FEZ2: variants seen among roughly 807,000 people sequenced by gnomAD.
FEZ2 encodes the protein fasciculation and elongation protein zeta-2.
Under a neutral mutation model 40.4 loss-of-function variants are expected in FEZ2, and 51 were observed. That is an observed-to-expected ratio of 1.26 (90% CI 1.01 to 1.59). The LOEUF (loss-of-function observed/expected upper bound fraction) is 1.59. Ranked by LOEUF, FEZ2 falls within the 40% of genes most tolerant of loss-of-function variation. The pLI, the probability that FEZ2 is intolerant of heterozygous loss-of-function variation, is 0.00. For synonymous variants in FEZ2, 242 were observed against 172.0 expected (o/e 1.41, Z -3.18); for missense variants, 640 against 438.3 (o/e 1.46, Z -4.11).
chr2:36,553,848 A>G (rs544644071), intron 7 of FEZ2, among the ~76,000 whole-genome samples: 2 of 152,324 alleles, frequency 1.3e-5, no homozygotes, highest in South Asian at 2.1e-4. Context: ...TCTCCCCTTG[A>G]GCAATATCCC....
At position 36,552,561 on chromosome 2, in the gene FEZ2, T is replaced by C; in HGVS notation, c.*602A>G. ...TGAATGGCAATTTAATGGTTAAAAT[T>C]TGACCAGTGGTGAAACAAGCAGCAA... On this transcript the variant is annotated 3_prime_UTR_variant, in exon 8 of 8. Coordinates refer to ENST00000405912, the MANE Select transcript of FEZ2 (RefSeq NM_005102.3). The C allele has an allele frequency of 4.1e-6, 1 of 245,478 alleles. No individual in the cohort carries two copies. 15.2% of individuals were successfully genotyped at this position (245,478 alleles called of 1,614,324 possible).
At chr2:36,563,670 T>G (rs960316801) in intron 5 of FEZ2, among the ~76,000 whole-genome samples, 1 of 152,182 alleles carries the variant, frequency 6.6e-6, no homozygotes, top group African/African-American at 2.4e-5. Flanking sequence ...TACTAGCTCC[T>G]TCCTGACAGC....
intron 3 of FEZ2, among the ~76,000 whole-genome samples, chr2:36,581,995 A>T (rs1252081041): frequency 6.6e-6 from 1 of 152,178 alleles, no homozygotes; most frequent in South Asian, 2.1e-4. Flanking sequence ...GATTTTTTAA[A>T]TTACTCAAAA....
intron 6 of FEZ2, chr2:36,556,398 GTT>G (rs1256881350): frequency 1.9e-5 from 3 of 155,126 alleles, no homozygotes; most frequent in African/African-American, 7.2e-5. Context: ...CTAGTATAAC[GTT>G]TTTCTTTTTT....
intron 5 of FEZ2, chr2:36,559,348 G>A (rs1668033152): frequency 6.6e-6 from 1 of 152,134 alleles, no homozygotes; most frequent in African/African-American, 2.4e-5. Flanking sequence ...TTTCACATAT[G>A]CTCATATAGA....
chr2:36,595,026 G>T (rs376372178), intron 1 of FEZ2, among the ~76,000 whole-genome samples: 1 of 152,140 alleles, frequency 6.6e-6, no homozygotes, highest in African/African-American at 2.4e-5. Flanking sequence ...ACAACCAGTC[G>T]TAAACAACGG....
intron 5 of FEZ2, among the ~76,000 whole-genome samples, chr2:36,574,736 C>G (rs550375037): frequency 1.3e-5 from 2 of 152,168 alleles, no homozygotes; most frequent in South Asian, 4.1e-4. Flanking sequence ...AAGTGTCACC[C>G]AAAACAGCAT....
At chr2:36,574,816 A>AC (rs1275990267) in intron 5 of FEZ2, among the ~76,000 whole-genome samples, 2 of 152,158 alleles carry the variant, frequency 1.3e-5, no homozygotes, top group South Asian at 2.1e-4. Flanking sequence ...CCACTCTCTA[A>AC]CCCCCCATCC....
Position 36,590,945 on chromosome 2 carries a change from A to G in FEZ2, c.333T>C (p.Thr111=), listed in dbSNP as rs1669054375. The change falls in exon 2 of 8, where the codon ACT becomes ACC. Residue 111 remains threonine, a synonymous_variant. Coordinates refer to ENST00000405912, the MANE Select transcript of FEZ2 (RefSeq NM_005102.3). The part of the protein sequence containing the change: ...VMPVDWKSSH[T]RTLHLLTLNL... ...TCAGAGTAAGCAAGTGCAAGGTCCT[A>G]GTATGCGATGACTTCCAGTCTACAG... The G allele has an allele frequency of 6.2e-7, 1 of 1,612,812 alleles. No individual in the cohort carries two copies. The highest frequency in any genetic ancestry group is 1.3e-5 in the African/African-American group (1 of 75,056).
At chr2:36,567,007 G>C (rs1429737712) in intron 5 of FEZ2, among the ~76,000 whole-genome samples, 8 of 152,120 alleles carry the variant, frequency 5.3e-5, no homozygotes, top group African/African-American at 1.9e-4. Context: ...CAGAATGGCA[G>C]AACTGCACAG....
chr2:36,580,203 G>C (rs1668691534), intron 4 of FEZ2, among the ~76,000 whole-genome samples: 1 of 152,142 alleles, frequency 6.6e-6, no homozygotes, highest in Non-Finnish European at 1.5e-5. Context: ...ATCTGTATCA[G>C]GTATCAGGAC....
chr2:36,579,367 T>C (rs1343701702), intron 4 of FEZ2, among the ~76,000 whole-genome samples: 1 of 152,210 alleles, frequency 6.6e-6, no homozygotes, highest in African/African-American at 2.4e-5. Context: ...TTGAAATTGG[T>C]GATATGGTTT....
intron 5 of FEZ2, among the ~76,000 whole-genome samples, chr2:36,573,189 G>C (rs143997484): frequency 0.02 from 2,998 of 152,220 alleles, 306 homozygotes; most frequent in Admixed American, 0.17. Flanking sequence ...ACAAGACTTA[G>C]CATAAACAAC....
chr2:36,587,175 A>G (rs1014734239), intron 2 of FEZ2, among the ~76,000 whole-genome samples: 1 of 152,214 alleles, frequency 6.6e-6, no homozygotes, highest in Admixed American at 6.5e-5. Context: ...GCCAAAACAC[A>G]TGAGTAATAA....
At position 36,598,018 on chromosome 2, in the gene FEZ2, C is replaced by A. The variant is rs1183418091; in HGVS notation, c.125G>T (p.Gly42Val). The change falls in exon 1 of 8, where the codon GGG (glycine) becomes GTG (valine). Residue 42 changes from glycine to valine, a missense_variant. By Grantham distance (109) the Gly-to-Val change is moderately radical. Coordinates refer to ENST00000405912, the MANE Select transcript of FEZ2 (RefSeq NM_005102.3). ...CGGGGCCGGGAAACCGTCGGCGCCCCCACCCGCCTCGGCCCCCGCCTCCGC... is the reference window on the plus strand; with the variant it reads ...CGGGGCCGGGAAACCGTCGGCGCCCACACCCGCCTCGGCCCCCGCCTCCGC... Reference protein sequence around the residue: ...PGAEAGAEAGGGADGFPAPAC... With the variant: ...PGAEAGAEAGVGADGFPAPAC... 6.7e-7 allele frequency: 1 copy of A among 1,497,316 alleles called. No homozygotes were observed. Among genetic ancestry groups the A allele is most frequent in the Non-Finnish European group, 8.9e-7 (1 of 1,128,504 alleles). 92.8% of individuals were successfully genotyped at this position (1,497,316 alleles called of 1,614,324 possible).
intron 3 of FEZ2, among the ~76,000 whole-genome samples, chr2:36,582,878 G>C (rs1668792441): frequency 6.6e-6 from 1 of 152,222 alleles, no homozygotes; most frequent in Non-Finnish European, 1.5e-5. Context: ...CTGGTTTTAA[G>C]TGAATACAGG....
intron 5 of FEZ2, among the ~76,000 whole-genome samples, chr2:36,563,271 G>A (rs1437465816): frequency 6.6e-6 from 1 of 152,122 alleles, no homozygotes; most frequent in African/African-American, 2.4e-5. Flanking sequence ...GGGAAGCCAA[G>A]GTAACCTGGA....
chr2:36,556,252 A>C, intron 6 of FEZ2: 2 of 220,732 alleles, frequency 9.1e-6, no homozygotes, highest in South Asian at 1.4e-4. Flanking sequence ...TGAAGAACAG[A>C]CTTCCATGAA....
chr2:36,590,507 A>C lies in FEZ2; in HGVS notation c.375+396T>G, dbSNP rs552319673. Reference sequence around the variant, plus strand: ...ACACAGCGAAACCCTGTCTCTACTGAAAATACAAAAATTAGCCGGGACTGG... The same window carrying C: ...ACACAGCGAAACCCTGTCTCTACTGCAAATACAAAAATTAGCCGGGACTGG... On this transcript the variant is annotated intron_variant, in intron 2 of 7. Coordinates refer to ENST00000405912, the MANE Select transcript of FEZ2 (RefSeq NM_005102.3). 1.6e-4 allele frequency: 26 copies of C among 164,454 alleles called. No homozygotes were observed. In the East Asian group the frequency reaches 4.7e-3, roughly 30 times the overall value. The allele number at this position is 164,454 out of a possible 1,614,324, so 10.2% of individuals were successfully genotyped here.
Sources: allele counts gnomAD v4.1 joint callset (sites outside exome capture counted in the v4.1 genomes callset), GRCh38; gene constraint gnomAD v4.1.1; transcripts MANE v1.5; gene names NCBI Gene and HGNC (gene_info 2026-07-23, HGNC 2026-07-21).